Variants in DTNA observed in about 807,000 individuals in gnomAD.
DTNA encodes the protein dystrobrevin alpha.
Under a neutral mutation model 100.7 loss-of-function variants are expected in DTNA, and 43 were observed. The observed-to-expected ratio is 0.43, with a 90% CI of 0.33 to 0.55. DTNA has a LOEUF of 0.55. DTNA is among the 20% of genes least tolerant of loss of function. The pLI is 0.04. For missense variants in DTNA, 798 were observed against 953.9 expected (o/e 0.84, Z 2.15); for synonymous variants, 349 against 347.9 (o/e 1.00, Z -0.04).
chr18:34,679,763 G>C (rs2077830632), intron 1 of DTNA, among the ~76,000 whole-genome samples: 1 of 151,962 alleles, frequency 6.6e-6, no homozygotes, highest in East Asian at 1.9e-4. Flanking sequence ...CCTTTAGTGA[G>C]GTTCCAGACA....
At chr18:34,837,340 A>G (rs1450106166) in intron 11 of DTNA, among the ~76,000 whole-genome samples, 3 of 152,188 alleles carry the variant, frequency 2.0e-5, no homozygotes, top group African/African-American at 7.2e-5. Context: ...TGACTTTACC[A>G]TAGCCACACT....
chr18:34,878,277 T>C (rs2150358717), intron 19 of DTNA, among the ~76,000 whole-genome samples: 1 of 152,322 alleles, frequency 6.6e-6, no homozygotes, highest in South Asian at 2.1e-4. Flanking sequence ...TTCAGATTTT[T>C]TAAGTAATGT....
At chr18:34,546,174 A>G (rs1316799677) in intron 1 of DTNA, among the ~76,000 whole-genome samples, 1 of 152,100 alleles carries the variant, frequency 6.6e-6, no homozygotes, top group Non-Finnish European at 1.5e-5. Context: ...GAACTTACTG[A>G]CACACGATAA....
upstream of DTNA, among the ~76,000 whole-genome samples, chr18:34,705,698 A>G (rs976125478): frequency 4.6e-5 from 7 of 152,200 alleles, no homozygotes; most frequent in African/African-American, 1.2e-4. Context: ...CTCCACTTCC[A>G]GGAATCTATT....
chr18:34,613,640 C>T (rs1000307381), intron 1 of DTNA, among the ~76,000 whole-genome samples: 7 of 152,200 alleles, frequency 4.6e-5, no homozygotes, highest in African/African-American at 7.2e-5. Context: ...CCACAACATT[C>T]CCTTAAGCCA....
chr18:34,833,632 A>G (rs902874203), intron 11 of DTNA, among the ~76,000 whole-genome samples: 3 of 152,202 alleles, frequency 2.0e-5, no homozygotes, highest in African/African-American at 7.2e-5. Flanking sequence ...TGTTCCCACA[A>G]CCATCAGTGA....
At chr18:34,851,480 C>CTT (rs1274053819) in intron 14 of DTNA, among the ~76,000 whole-genome samples, 1 of 152,196 alleles carries the variant, frequency 6.6e-6, no homozygotes, top group Non-Finnish European at 1.5e-5. Flanking sequence ...AGTGCAACAT[C>CTT]TTTTAAAGCC....
intron 1 of DTNA, among the ~76,000 whole-genome samples, chr18:34,720,821 C>A (rs2085142151): frequency 6.6e-6 from 1 of 152,152 alleles, no homozygotes; most frequent in African/African-American, 2.4e-5. Context: ...CTGTGTTACT[C>A]CCATCTGTGA....
chr18:34,686,135 T>C (rs1381667119), intron 1 of DTNA, among the ~76,000 whole-genome samples: 2 of 152,198 alleles, frequency 1.3e-5, no homozygotes, highest in Non-Finnish European at 1.5e-5. Context: ...TTCATTTCTT[T>C]CTCTTGCCTG....
chr18:34,841,847 T>A (rs1402924882), intron 13 of DTNA, among the ~76,000 whole-genome samples: 2 of 152,088 alleles, frequency 1.3e-5, no homozygotes, highest in Non-Finnish European at 2.9e-5. Flanking sequence ...TGTGTGGGGG[T>A]CTTCTACCCT....
At chr18:34,682,307 G>A (rs1016503964) in intron 1 of DTNA, among the ~76,000 whole-genome samples, 1 of 152,086 alleles carries the variant, frequency 6.6e-6, no homozygotes, top group African/African-American at 2.4e-5. Context: ...ACTCATTTAG[G>A]TAAATATTTT....
chr18:34,494,608 G>A (rs1221778050), intron 1 of DTNA, among the ~76,000 whole-genome samples: 1 of 152,060 alleles, frequency 6.6e-6, no homozygotes, highest in Non-Finnish European at 1.5e-5. Flanking sequence ...TTGCTGTTTA[G>A]TAGGCTTGGG....
At chr18:34,595,669 A>C (rs187994918) in intron 1 of DTNA, among the ~76,000 whole-genome samples, 1 of 152,226 alleles carries the variant, frequency 6.6e-6, no homozygotes, top group East Asian at 1.9e-4. Flanking sequence ...ATGGTGTCTT[A>C]ATTTCTTGGT....
At chr18:34,588,901 A>G (rs1355832773) in intron 1 of DTNA, among the ~76,000 whole-genome samples, 2 of 152,006 alleles carry the variant, frequency 1.3e-5, no homozygotes, top group African/African-American at 4.8e-5. Flanking sequence ...GCATTAGCCT[A>G]TGCCATTCTG....
intron 1 of DTNA, among the ~76,000 whole-genome samples, chr18:34,649,266 A>G (rs2060181178): frequency 1.3e-5 from 2 of 152,202 alleles, no homozygotes; most frequent in African/African-American, 4.8e-5. Context: ...CAATGTTTAT[A>G]AGTCAGCTTT....
intron 1 of DTNA, among the ~76,000 whole-genome samples, chr18:34,533,310 A>T (rs924410922): frequency 2.0e-5 from 3 of 147,052 alleles, no homozygotes; most frequent in African/African-American, 8.1e-5. Flanking sequence ...AGGCGAGGTT[A>T]CAGTGAGCCA....
intron 13 of DTNA, among the ~76,000 whole-genome samples, chr18:34,843,517 T>C (rs1464009922): frequency 6.6e-6 from 1 of 152,108 alleles, no homozygotes; most frequent in Admixed American, 6.6e-5. Flanking sequence ...GCAGGGTTGG[T>C]TTCTCCTGTC....
rs556076756 is a variant in DTNA at position 34,623,226 on chromosome 18, C to A, written c.-2+129712C>A. On this transcript the variant is annotated intron_variant, in intron 1 of 19. Coordinates refer to the DTNA transcript ENST00000283365. ...ATGCAGGCTTCACCTAAAAAAGGAACAAAAATCTGATTCAGGAAGCAATAT... is the reference window on the plus strand; with the variant it reads ...ATGCAGGCTTCACCTAAAAAAGGAAAAAAAATCTGATTCAGGAAGCAATAT... Among the ~76,000 whole-genome samples the A allele has an allele frequency of 9.2e-5, 14 of 152,094 alleles. No homozygotes were observed. The South Asian group carries it at 2.9e-3, about 32-fold the overall frequency.
At chr18:34,685,662 T>A (rs1011731750) in intron 1 of DTNA, among the ~76,000 whole-genome samples, 5 of 152,152 alleles carry the variant, frequency 3.3e-5, no homozygotes, top group African/African-American at 1.2e-4. Context: ...TAGTTTTTTC[T>A]AATTCTGTGA....
Sources: allele counts gnomAD v4.1 joint callset (sites outside exome capture counted in the v4.1 genomes callset), GRCh38; gene constraint gnomAD v4.1.1; transcripts MANE v1.5; gene names NCBI Gene and HGNC (gene_info 2026-07-23, HGNC 2026-07-21).